Variants in CSN3 observed in about 807,000 individuals in gnomAD.
CSN3 encodes kappa-casein.
A neutral mutation model predicts 9.9 loss-of-function variants in CSN3; 7 were observed. The observed-to-expected ratio is 0.71, with a 90% CI of 0.40 to 1.33. The LOEUF (loss-of-function observed/expected upper bound fraction) is 1.33. Ranked by LOEUF, CSN3 falls within the 40% of genes most tolerant of loss-of-function variation. The probability of loss-of-function intolerance (pLI) is 0.01; values close to 1 mark genes in which losing one functional copy is unlikely to be tolerated. For synonymous variants in CSN3, 88 were observed against 82.3 expected (o/e 1.07, Z -0.37); for missense variants, 253 against 227.9 (o/e 1.11, Z -0.71).
At chr4:70,247,372 A>G (rs1403491671) in intron 2 of CSN3, among the ~76,000 whole-genome samples, 2 of 152,192 alleles carry the variant, frequency 1.3e-5, no homozygotes, top group Non-Finnish European at 2.9e-5. Flanking sequence ...GCAAGAGGCA[A>G]TATTTTAAAT....
chr4:70,251,358 T>C (rs1730478964), exon 5 of CSN3: 1 of 152,176 alleles, frequency 6.6e-6, no homozygotes, highest in Non-Finnish European at 1.5e-5. Flanking sequence ...TCAGCTCTTC[T>C]CTCCTTACAT....
chr4:70,242,828 T>A (rs1418139924), intron 1 of CSN3, among the ~76,000 whole-genome samples, 163 bp downstream of exon 1: 1 of 152,104 alleles, frequency 6.6e-6, no homozygotes, highest in African/African-American at 2.4e-5. Flanking sequence ...AAACCTAAGT[T>A]CTGGATGGTG....
intron 1 of CSN3, among the ~76,000 whole-genome samples, chr4:70,244,474 C>T (rs72856600): frequency 0.014 from 2,198 of 152,002 alleles, 49 homozygotes; most frequent in African/African-American, 0.048. Flanking sequence ...CTTTTTTTCC[C>T]TCTTACAGTT....
At chr4:70,244,194 C>T (rs568360543) in intron 1 of CSN3, among the ~76,000 whole-genome samples, 1 of 152,168 alleles carries the variant, frequency 6.6e-6, no homozygotes, top group South Asian at 2.1e-4. Context: ...TAAAGCCATG[C>T]CTAGCTTTTT....
At chr4:70,249,607 A>C in intron 4 of CSN3, 114 bp downstream of exon 4, 1 of 683,560 alleles carries the variant, frequency 1.5e-6, no homozygotes. Context: ...ACAGAAGCAG[A>C]CAAAACAGGG....
At chr4:70,249,002 A>T in exon 4 of CSN3, 1 of 1,578,834 alleles carries the variant, frequency 6.3e-7, no homozygotes, top group Non-Finnish European at 8.6e-7. Flanking sequence ...TTGCAGTGCC[A>T]TGAGAATGAT....
At chr4:70,249,758 C>T (rs1730449676) in intron 4 of CSN3, among the ~76,000 whole-genome samples, 1 of 152,124 alleles carries the variant, frequency 6.6e-6, no homozygotes, top group African/African-American at 2.4e-5. Flanking sequence ...AATTGGGACA[C>T]TCTTAGAATG....
At position 70,248,985 on chromosome 4, in the gene CSN3, A is replaced by T. The variant is rs767296016; in HGVS notation, c.88-13A>T. On this transcript the variant is annotated splice_polypyrimidine_tract_variant and intron_variant, in intron 3 of 4. Transcript: ENST00000304954. ...ATAATAATAATATTCTGTATAATTTATTTTTTTTGCAGTGCCATGAGAATG... is the reference window on the plus strand; with the variant it reads ...ATAATAATAATATTCTGTATAATTTTTTTTTTTTGCAGTGCCATGAGAATG... 5.9e-6 allele frequency: 9 copies of T among 1,524,844 alleles called. No individual in the cohort carries two copies. The East Asian group carries it at 1.6e-4, about 27-fold the overall frequency. 94.5% of individuals were successfully genotyped at this position (1,524,844 alleles called of 1,614,324 possible).
At chr4:70,239,665 C>T (rs1730233642), upstream of CSN3, among the ~76,000 whole-genome samples, 1 of 151,878 alleles carries the variant, frequency 6.6e-6, no homozygotes. Context: ...GGAGAAAGCA[C>T]TATCTCCTTA....
At chr4:70,242,692 A>T (rs1035569030) in intron 1 of CSN3, 27 bp downstream of exon 1, 1 of 152,124 alleles carries the variant, frequency 6.6e-6, no homozygotes, top group African/African-American at 2.4e-5. Flanking sequence ...ACTTGGAGAA[A>T]GTGATCCTTT....
intron 3 of CSN3, 21 bp downstream of exon 3, chr4:70,247,871 T>A: frequency 6.3e-7 from 1 of 1,586,686 alleles, no homozygotes; most frequent in Non-Finnish European, 8.6e-7. Flanking sequence ...TTTAATTACT[T>A]CTGTTACAGG....
chr4:70,249,405 C>G (rs745513111), exon 4 of CSN3: 5 of 1,613,926 alleles, frequency 3.1e-6, no homozygotes, highest in Admixed American at 1.7e-5. Context: ...CAGAGTCCAT[C>G]ATCACGAGCA....
chr4:70,250,976 T>C (rs1371510554), intron 4 of CSN3, among the ~76,000 whole-genome samples: 1 of 152,086 alleles, frequency 6.6e-6, no homozygotes, highest in Non-Finnish European at 1.5e-5. Context: ...AATAAGAAAA[T>C]TAATAAAGAC....
intron 1 of CSN3, among the ~76,000 whole-genome samples, chr4:70,244,583 G>C (rs1331145505): frequency 6.6e-6 from 1 of 151,966 alleles, no homozygotes; most frequent in Non-Finnish European, 1.5e-5. Flanking sequence ...ATTTGACATA[G>C]TAATGATAAT....
chr4:70,238,544 G>C (rs1169221148), upstream of CSN3, among the ~76,000 whole-genome samples: 1 of 151,848 alleles, frequency 6.6e-6, no homozygotes, highest in East Asian at 1.9e-4. Flanking sequence ...AATCCATTGA[G>C]AATTTAATCA....
chr4:70,246,556 G>T (rs1048854627), intron 2 of CSN3, among the ~76,000 whole-genome samples: 7 of 151,646 alleles, frequency 4.6e-5, no homozygotes, highest in African/African-American at 1.7e-4. Flanking sequence ...AAAAATGCAG[G>T]ATACTTTTTA....
chr4:70,245,999 G>A (rs6831455), intron 2 of CSN3, among the ~76,000 whole-genome samples: 17,266 of 151,932 alleles, frequency 0.11, 1,299 homozygotes, highest in East Asian at 0.27. Context: ...TACCTGAGCC[G>A]GATTCGTCTT....
intron 4 of CSN3, 58 bp from the exon 5 acceptor site, chr4:70,251,204 T>G (rs1206831339): frequency 6.6e-6 from 1 of 152,166 alleles, no homozygotes; most frequent in Non-Finnish European, 1.5e-5. Flanking sequence ...TAAATATATA[T>G]CATGAGAACT....
At chr4:70,248,565 A>G (rs369696930) in intron 3 of CSN3, among the ~76,000 whole-genome samples, 53 of 152,228 alleles carry the variant, frequency 3.5e-4, no homozygotes, top group East Asian at 3.3e-3. Flanking sequence ...CCAATTACAA[A>G]TATGTGGTGA....
Sources: allele counts gnomAD v4.1 joint callset (sites outside exome capture counted in the v4.1 genomes callset), GRCh38; gene constraint gnomAD v4.1.1; transcripts MANE v1.5; gene names NCBI Gene and HGNC (gene_info 2026-07-23, HGNC 2026-07-21).